Variants in NAALADL2 observed in about 807,000 individuals in gnomAD.
The protein encoded by NAALADL2 is inactive N-acetylated-alpha-linked acidic dipeptidase-like protein 2.
NAALADL2 carries 76 observed loss-of-function variants against 87.2 expected under a neutral mutation model. That is an observed-to-expected ratio of 0.87 (90% CI 0.72 to 1.05). The LOEUF is 1.05. NAALADL2 is among the 50% of genes least tolerant of loss of function. The pLI is 0.00. For synonymous variants in NAALADL2, 354 were observed against 331.0 expected, an observed-to-expected ratio of 1.07 and a Z score of -0.75; for missense variants, 1,089 against 945.8, an observed-to-expected ratio of 1.15 and a Z score of -1.99.
At chr3:175,213,003 G>T (rs1405531138) in intron 2 of NAALADL2, among the ~76,000 whole-genome samples, 1 of 152,110 alleles carries the variant, frequency 6.6e-6, no homozygotes, top group Non-Finnish European at 1.5e-5. Flanking sequence ...TGATACACAG[G>T]ACTGGCTGAA....
chr3:174,829,656 G>A (rs1324728548), intron 3 of NAALADL2, among the ~76,000 whole-genome samples: 2 of 142,216 alleles, frequency 1.4e-5, no homozygotes, highest in Non-Finnish European at 1.5e-5. Flanking sequence ...GGGTCAAATG[G>A]TATTTCCAGT....
intron 10 of NAALADL2, among the ~76,000 whole-genome samples, chr3:175,584,926 CA>C (rs1233679941): frequency 3.3e-5 from 5 of 152,086 alleles, no homozygotes; most frequent in African/African-American, 1.2e-4. Context: ...ACTTAATAAA[CA>C]CTATACACAT....
chr3:174,877,725 C>T (rs1426899120), intron 1 of NAALADL2, among the ~76,000 whole-genome samples: 2 of 152,000 alleles, frequency 1.3e-5, no homozygotes, highest in Non-Finnish European at 1.5e-5. Context: ...TGTTAAATAG[C>T]ATTGCAAGGG....
chr3:174,826,840 C>T (rs1334715163), intron 3 of NAALADL2, among the ~76,000 whole-genome samples: 2 of 152,058 alleles, frequency 1.3e-5, no homozygotes, highest in African/African-American at 4.8e-5. Context: ...GATACCCCTG[C>T]CTGAGGCCAC....
intron 1 of NAALADL2, among the ~76,000 whole-genome samples, chr3:174,944,503 T>G (rs1739111902): frequency 6.6e-6 from 1 of 152,158 alleles, no homozygotes; most frequent in Non-Finnish European, 1.5e-5. Context: ...CAAGCCAGTC[T>G]TATCCTGTGA....
intron 3 of NAALADL2, among the ~76,000 whole-genome samples, chr3:174,766,730 A>G (rs1298874558): frequency 6.6e-6 from 1 of 152,156 alleles, no homozygotes; most frequent in Non-Finnish European, 1.5e-5. Context: ...TATTTAACAA[A>G]TATTTATTGA....
chr3:174,923,853 A>G (rs1465397005), intron 1 of NAALADL2, among the ~76,000 whole-genome samples: 1 of 152,082 alleles, frequency 6.6e-6, no homozygotes, highest in African/African-American at 2.4e-5. Context: ...CAGAACCTCA[A>G]TTTGTGATAT....
rs189483212 is a variant in NAALADL2 at position 174,558,717 on chromosome 3, T to C, written c.-115+8080T>C. Among the ~76,000 whole-genome samples, 240 of 152,266 alleles carry C rather than the reference T, an allele frequency of 1.6e-3. 2 individuals are homozygous for C. The highest frequency in any genetic ancestry group is 5.6e-3 in the African/African-American group (234 of 41,562). On this transcript the variant is annotated intron_variant, in intron 2 of 3. Transcript: ENST00000434257. Reference sequence around the variant, plus strand: ...GCTCACTTAGCTGCTGTTCACCTCCTGCTGTGTGGCTTTTTCCTAACAGGC... The same window carrying C: ...GCTCACTTAGCTGCTGTTCACCTCCCGCTGTGTGGCTTTTTCCTAACAGGC...
intron 3 of NAALADL2, among the ~76,000 whole-genome samples, chr3:174,795,080 C>T (rs192979702): frequency 2.0e-5 from 3 of 149,936 alleles, no homozygotes; most frequent in Admixed American, 1.3e-4. Context: ...CAACCTCCGC[C>T]TCCCAGGTTC....
intron 2 of NAALADL2, among the ~76,000 whole-genome samples, chr3:174,623,484 T>C (rs1218257592): frequency 1.3e-5 from 2 of 152,088 alleles, no homozygotes; most frequent in Admixed American, 1.3e-4. Flanking sequence ...TATACATGTA[T>C]TTTATGCATT....
chr3:174,990,931 C>G (rs906217223), intron 1 of NAALADL2, among the ~76,000 whole-genome samples: 55 of 152,030 alleles, frequency 3.6e-4, no homozygotes, highest in Admixed American at 8.5e-4. Context: ...TTTGAAATTG[C>G]CTTGTTAGAG....
chr3:175,013,964 A>G (rs62287676), intron 1 of NAALADL2, among the ~76,000 whole-genome samples: 5,079 of 152,234 alleles, frequency 0.033, 145 homozygotes, highest in Admixed American at 0.078. Context: ...TGCATCAGTC[A>G]TAGGGTCACA....
At chr3:175,694,332 C>G (rs994501947) in intron 11 of NAALADL2, among the ~76,000 whole-genome samples, 7 of 152,080 alleles carry the variant, frequency 4.6e-5, no homozygotes, top group African/African-American at 1.4e-4. Context: ...TTAAAAATAG[C>G]ATTTCCTTTT....
intron 9 of NAALADL2, among the ~76,000 whole-genome samples, chr3:175,483,769 A>C (rs1023126949): frequency 6.6e-6 from 1 of 152,164 alleles, no homozygotes; most frequent in Non-Finnish European, 1.5e-5. Flanking sequence ...AGCAGTGCAG[A>C]CATTTCACTG....
At chr3:174,918,495 T>C (rs1272624832) in intron 1 of NAALADL2, among the ~76,000 whole-genome samples, 1 of 152,184 alleles carries the variant, frequency 6.6e-6, no homozygotes, top group African/African-American at 2.4e-5. Flanking sequence ...TCAGCTAAGC[T>C]CACTTGTGCA....
At chr3:175,675,962 T>C (rs750052186) in intron 11 of NAALADL2, 7 of 152,214 alleles carry the variant, frequency 4.6e-5, no homozygotes, top group Non-Finnish European at 2.9e-5. Flanking sequence ...ACATAGTTTT[T>C]CAGGAAATCT....
At chr3:175,023,709 A>G (rs924299321) in intron 1 of NAALADL2, among the ~76,000 whole-genome samples, 1 of 152,132 alleles carries the variant, frequency 6.6e-6, no homozygotes, top group African/African-American at 2.4e-5. Flanking sequence ...GCTTCATACT[A>G]GAATGCAAAA....
At chr3:174,801,216 G>T (rs2109250793) in intron 3 of NAALADL2, among the ~76,000 whole-genome samples, 1 of 152,224 alleles carries the variant, frequency 6.6e-6, no homozygotes, top group South Asian at 2.1e-4. Context: ...AATCTCTTCT[G>T]TAATTCCCAT....
rs1025472388 is a variant in NAALADL2 at position 175,607,639 on chromosome 3, C to T, written c.1801-19652C>T. ...TGTTAGAAAATCAGTTAACAACTAC[C>T]GAGTAGTTCAAATTGGTTATAAACT... is the stretch of plus-strand genomic sequence containing the variant. On this transcript the variant is annotated intron_variant, in intron 10 of 13. Coordinates refer to ENST00000454872, the MANE Select transcript of NAALADL2 (RefSeq NM_207015.3). Among the ~76,000 whole-genome samples the T allele has an allele frequency of 5.9e-5, 9 of 151,898 alleles. No homozygotes were observed. In the South Asian group the frequency reaches 6.2e-4, roughly 11 times the overall value.
Sources: allele counts gnomAD v4.1 joint callset (sites outside exome capture counted in the v4.1 genomes callset), GRCh38; gene constraint gnomAD v4.1.1; transcripts MANE v1.5; gene names NCBI Gene and HGNC (gene_info 2026-07-23, HGNC 2026-07-21).